Variants in SPTLC2 observed in about 807,000 individuals in gnomAD.
SPTLC2 encodes the protein serine palmitoyltransferase 2.
Under a neutral mutation model 62.0 loss-of-function variants are expected in SPTLC2, and 21 were observed. The observed-to-expected ratio is 0.34, with a 90% CI of 0.24 to 0.49. The LOEUF (loss-of-function observed/expected upper bound fraction) is 0.49. SPTLC2 is among the 20% of genes least tolerant of loss of function. The pLI is 0.99. For missense variants in SPTLC2, 511 were observed against 713.0 expected (o/e 0.72, Z 3.23); for synonymous variants, 261 against 261.8 (o/e 1.00, Z 0.03).
At chr14:77,538,083 C>T (rs2079480221) in intron 9 of SPTLC2, among the ~76,000 whole-genome samples, 2 of 152,196 alleles carry the variant, frequency 1.3e-5, no homozygotes, top group Admixed American at 1.3e-4. Context: ...ATTTTACTAA[C>T]ATATAATCAC....
chr14:77,580,554 G>A (rs200666924), intron 2 of SPTLC2, among the ~76,000 whole-genome samples: 792 of 129,028 alleles, frequency 6.1e-3, no homozygotes, highest in Middle Eastern at 0.012. Context: ...TTTTAAAAAA[G>A]AAAAAAAAAA....
At chr14:77,532,632 A>G (rs1004975400) in intron 9 of SPTLC2, among the ~76,000 whole-genome samples, 2 of 151,882 alleles carry the variant, frequency 1.3e-5, no homozygotes, top group Non-Finnish European at 1.5e-5. Context: ...AAAATACAAA[A>G]AATTAGCTGG....
rs891103999 is a variant in SPTLC2, at chr14:77,509,166, T to A, written c.*3118A>T. ...TGACTAAAGCACTACGATGGCTGGA[T>A]TCTTCAAACAAATAAGCAGTACTTT... On this transcript the variant is annotated 3_prime_UTR_variant, in exon 12 of 12. Transcript: ENST00000216484. 6 of 152,196 alleles carry A rather than the reference T, an allele frequency of 3.9e-5. No homozygotes were observed. The highest frequency in any genetic ancestry group is 2.0e-4 in the Admixed American group (3 of 15,274). 9.4% of individuals were successfully genotyped at this position (152,196 alleles called of 1,614,324 possible).
intron 2 of SPTLC2, among the ~76,000 whole-genome samples, chr14:77,593,602 T>C (rs977106542): frequency 2.0e-5 from 3 of 152,178 alleles, no homozygotes; most frequent in Non-Finnish European, 2.9e-5. Context: ...AACAAACTCA[T>C]GGTAACTCAT....
At chr14:77,606,776 C>T (rs1370355866) in intron 1 of SPTLC2, among the ~76,000 whole-genome samples, 1 of 152,142 alleles carries the variant, frequency 6.6e-6, no homozygotes, top group Non-Finnish European at 1.5e-5. Flanking sequence ...TGCTTGGACC[C>T]AGGAGTTTAA....
chr14:77,589,929 G>C (rs1163861579), intron 2 of SPTLC2, among the ~76,000 whole-genome samples: 2 of 148,902 alleles, frequency 1.3e-5, no homozygotes, highest in East Asian at 2.0e-4. Flanking sequence ...AGTGAGCTGA[G>C]ATCATGCGAT....
intron 2 of SPTLC2, among the ~76,000 whole-genome samples, chr14:77,580,704 C>G (rs912920792): frequency 3.3e-5 from 5 of 152,060 alleles, no homozygotes; most frequent in African/African-American, 9.7e-5. Flanking sequence ...GTCTGTGCAA[C>G]AGAGCGAGAA....
intron 2 of SPTLC2, among the ~76,000 whole-genome samples, chr14:77,591,175 CT>C (rs1404606963): frequency 6.6e-6 from 1 of 152,202 alleles, no homozygotes; most frequent in Non-Finnish European, 1.5e-5. Flanking sequence ...ACAACATGAA[CT>C]TCAAATACAT....
rs530006834 is a variant in SPTLC2 at position 77,523,098 on chromosome 14, A to G, written c.1304-1517T>C. Among the ~76,000 whole-genome samples the G allele has an allele frequency of 2.6e-5, 4 of 152,350 alleles. No homozygotes were observed. In the East Asian group the frequency reaches 7.7e-4, roughly 29 times the overall value. On this transcript the variant is annotated intron_variant, in intron 9 of 11. Coordinates refer to ENST00000216484, the MANE Select transcript of SPTLC2 (RefSeq NM_004863.4). ...AGTTACAAAGAAGAAAGCAGACATT[A>G]AAGTGTGTTATATTTAAGTATGTTG...
At chr14:77,537,138 A>G (rs2079475585) in intron 9 of SPTLC2, among the ~76,000 whole-genome samples, 1 of 151,712 alleles carries the variant, frequency 6.6e-6, no homozygotes, top group Non-Finnish European at 1.5e-5. Flanking sequence ...GGCAAGGCTG[A>G]TGAACTCCTG....
intron 8 of SPTLC2, chr14:77,554,989 A>G: frequency 2.6e-6 from 1 of 387,242 alleles, no homozygotes; most frequent in South Asian, 2.2e-5. Flanking sequence ...CTGTGAGCAC[A>G]ATGCAAACCC....
chr14:77,570,349 A>G, intron 5 of SPTLC2, 35 bp downstream of exon 5: 1 of 1,609,584 alleles, frequency 6.2e-7, no homozygotes, highest in Non-Finnish European at 8.5e-7. Context: ...GAAGATATAC[A>G]TGAGGGAGTT....
intron 9 of SPTLC2, among the ~76,000 whole-genome samples, chr14:77,537,445 A>G (rs2079477171): frequency 6.6e-6 from 1 of 152,218 alleles, no homozygotes; most frequent in Admixed American, 6.5e-5. Flanking sequence ...GCAAACTCTG[A>G]GGACAAATAC....
At chr14:77,535,934 C>A in intron 9 of SPTLC2, 1 of 454,742 alleles carries the variant, frequency 2.2e-6, no homozygotes, top group Non-Finnish European at 4.4e-6. Flanking sequence ...TGACTAAATA[C>A]AGGGGATAAA....
chr14:77,610,980 G>T (rs2079932775), intron 1 of SPTLC2, among the ~76,000 whole-genome samples: 1 of 85,546 alleles, frequency 1.2e-5, no homozygotes, highest in African/African-American at 4.7e-5. Flanking sequence ...AACATAGTAA[G>T]ACCCATCTCT....
intron 2 of SPTLC2, among the ~76,000 whole-genome samples, chr14:77,593,034 C>T (rs1319514989): frequency 8.6e-5 from 13 of 150,752 alleles, no homozygotes; most frequent in African/African-American, 2.9e-4. Context: ...ACCGTGGAGG[C>T]GGAGATTGCA....
rs549383640 is a variant in SPTLC2, at chr14:77,522,609, T to C, written c.1304-1028A>G. Among the ~76,000 whole-genome samples the C allele has an allele frequency of 7.2e-5, 11 of 152,312 alleles. No homozygotes were observed. In the South Asian group the frequency reaches 1.7e-3, roughly 23 times the overall value. On this transcript the variant is annotated intron_variant, in intron 9 of 11. Transcript: ENST00000216484. ...CTGCAATTGCCAACTGACTAAATAT[T>C]TGGGCAGGTTTTGACATTATGGTAA...
At chr14:77,576,674 G>T in intron 4 of SPTLC2, 93 bp downstream of exon 4, 1 of 1,540,190 alleles carries the variant, frequency 6.5e-7, no homozygotes, top group Non-Finnish European at 9.0e-7. Context: ...ACAAAGTGTA[G>T]ATATTTAATA....
At chr14:77,605,099 A>G (rs1208422965) in intron 1 of SPTLC2, among the ~76,000 whole-genome samples, 1 of 151,806 alleles carries the variant, frequency 6.6e-6, no homozygotes, top group Non-Finnish European at 1.5e-5. Flanking sequence ...GTAACCTCAA[A>G]CTCCTGGGCT....
Sources: gnomAD v4.1 joint callset for allele counts (sites outside exome capture counted in the v4.1 genomes callset) on GRCh38, gnomAD v4.1.1 for gene constraint, MANE v1.5 for transcripts, NCBI Gene and HGNC (gene_info 2026-07-23, HGNC 2026-07-21) for gene names.